Variants in CARS2 observed in about 807,000 individuals in gnomAD.
CARS2 encodes the protein probable cysteine--tRNA ligase, mitochondrial.
Under a neutral mutation model 68.8 loss-of-function variants are expected in CARS2, and 52 were observed. The observed-to-expected ratio is 0.76, with a 90% CI of 0.61 to 0.95. CARS2 has a LOEUF of 0.95. Among genes scored for constraint, CARS2 ranks in the 40% least tolerant of loss-of-function variants. CARS2 has a pLI of 0.00. For synonymous variants in CARS2, 314 were observed against 303.6 expected (o/e 1.03, Z -0.36); for missense variants, 780 against 754.2 (o/e 1.03, Z -0.40).
rs764405976 is a variant in CARS2 at position 110,676,994 on chromosome 13, G to A, written c.765C>T (p.Ile255=). ...PWGPGRPGWH[I]ECSAIASMVF... is the part of the protein sequence containing the mutation. Reference sequence around the variant, plus strand: ...CTTACCTAGCGATGGCAGAGCACTCGATGTGCCAGCCCGGCCTCCCGGGTC... The same window carrying A: ...CTTACCTAGCGATGGCAGAGCACTCAATGTGCCAGCCCGGCCTCCCGGGTC... Residue 255 remains isoleucine (I), a synonymous_variant, in exon 7 of 15, where the codon ATC becomes ATT. Transcript: ENST00000257347. This position sits in a 1 kb window ranked among gnomAD's most constrained non-coding sequence, Gnocchi z 4.0. 14 of 1,593,220 alleles carry A rather than the reference G, an allele frequency of 8.8e-6. No individual in the cohort carries two copies. The East Asian group carries it at 1.1e-4, about 13-fold the overall frequency.
chr13:110,664,503 C>T (rs918746418), intron 8 of CARS2: 12 of 736,000 alleles, frequency 1.6e-5, no homozygotes, highest in South Asian at 6.2e-5. Context: ...GGCCACAGAG[C>T]GAGACTCTGC....
intron 6 of CARS2, among the ~76,000 whole-genome samples, chr13:110,679,359 G>A (rs530142071): frequency 2.0e-5 from 3 of 151,556 alleles, no homozygotes; most frequent in South Asian, 2.1e-4. Context: ...ACGAAACCTC[G>A]TCTCTACTAA....
In CARS2 at chr13:110,663,436, C is replaced by T; in HGVS notation, c.987+15G>A. On this transcript the variant is annotated intron_variant, in intron 9 of 14. Coordinates refer to ENST00000257347, the MANE Select transcript of CARS2 (RefSeq NM_024537.4). ...CTATCGGCACCTCAGAGATACAATA[C>T]AAAAAGCACGTTACCTTAATAGTAA... 6.2e-7 allele frequency: 1 copy of T among 1,609,678 alleles called. No homozygotes were observed. The highest frequency in any genetic ancestry group is 8.5e-7 in the Non-Finnish European group (1 of 1,178,260).
intron 8 of CARS2, chr13:110,664,649 T>A (rs745804032): frequency 2.2e-4 from 216 of 982,706 alleles, no homozygotes; most frequent in Non-Finnish European, 2.5e-4. Flanking sequence ...TTAAAATTGA[T>A]GATAGTTGGA....
In CARS2 at chr13:110,664,927, G is replaced by A. The variant is rs952956726; in HGVS notation, c.920-1409C>T. ...GACTCCCAGCCAGCAGAACTGTGAGGAATTCATTGCTGTTGTTCATAACAC... is the reference window on the plus strand; with the variant it reads ...GACTCCCAGCCAGCAGAACTGTGAGAAATTCATTGCTGTTGTTCATAACAC... On this transcript the variant is annotated intron_variant, in intron 8 of 14. Transcript: ENST00000257347. 24 of 836,692 alleles carry A rather than the reference G, an allele frequency of 2.9e-5. No homozygotes were observed. In the South Asian group the frequency reaches 1.1e-3, roughly 40 times the overall value. The allele number at this position is 836,692 out of a possible 1,614,324, so 51.8% of individuals were successfully genotyped here.
At chr13:110,712,998 G>A in intron 1 of CARS2, 1 of 1,545,120 alleles carries the variant, frequency 6.5e-7, no homozygotes. Flanking sequence ...CGCGCACTCT[G>A]CGGCCGCAGC....
At chr13:110,704,821 T>C (rs939917335) in intron 2 of CARS2, among the ~76,000 whole-genome samples, 1 of 152,220 alleles carries the variant, frequency 6.6e-6, no homozygotes, top group African/African-American at 2.4e-5. Context: ...AAAAAATCTA[T>C]AATATGTCAT....
In CARS2 at chr13:110,687,785, A is replaced by G. The variant is rs2063345302; in HGVS notation, c.507T>C (p.Ile169=). The G allele has an allele frequency of 1.2e-6, 2 of 1,613,294 alleles. No individual in the cohort carries two copies. The highest frequency in any genetic ancestry group is 1.1e-5 in the South Asian group (1 of 91,026). Residue 169 remains isoleucine (I), a synonymous_variant, in exon 5 of 15, where the codon ATT becomes ATC. Transcript: ENST00000257347. ...PTVYLRVTEN[I]PQIISFIEGI... ...CTTCAATGAAAGAAATTATCTGAGG[A>G]ATATTTTCGGTTACCCTCAGGTACA... is the stretch of plus-strand genomic sequence containing the variant.
chr13:110,709,141 G>A (rs369584992), upstream of CARS2, among the ~76,000 whole-genome samples: 8 of 150,716 alleles, frequency 5.3e-5, no homozygotes, highest in Non-Finnish European at 8.9e-5. Context: ...GTGCAATGGC[G>A]TGATCTCCTG....
chr13:110,645,162 C>A (rs1887930259), intron 12 of CARS2: 1 of 152,506 alleles, frequency 6.6e-6, no homozygotes, highest in Non-Finnish European at 1.5e-5. Flanking sequence ...CTGCAGCCGG[C>A]TGTGACTCAA....
chr13:110,705,970 A>G lies in CARS2; in HGVS notation c.124T>C (p.Trp42Arg). The change falls in exon 1 of 15, where the codon TGG becomes CGG. Residue 42 changes from tryptophan (W) to arginine (R), a missense_variant. Transcript: ENST00000257347. This position sits in a 1 kb window ranked among gnomAD's most constrained non-coding sequence, Gnocchi z 4.0. ...RAASGGRGRA[W>R]LQPTGRETGV... The stretch of plus-strand genomic sequence containing the variant: ...GTCTCCCGGCCCGTGGGCTGCAGCC[A>G]GGCCCGCCCGCGCCCCCCGCTCGCC... 1 of 1,521,242 alleles carries G rather than the reference A, an allele frequency of 6.6e-7. No individual in the cohort carries two copies. Among genetic ancestry groups the G allele is most frequent in the Non-Finnish European group, 8.8e-7 (1 of 1,138,490 alleles). 94.2% of individuals were successfully genotyped at this position (1,521,242 alleles called of 1,614,324 possible). A position where few individuals can be genotyped will look rare whatever the true frequency, so the allele number is the denominator to read the frequency against.
At chr13:110,700,341 T>C (rs1156609042) in intron 3 of CARS2, among the ~76,000 whole-genome samples, 1 of 152,184 alleles carries the variant, frequency 6.6e-6, no homozygotes, top group Non-Finnish European at 1.5e-5. Context: ...TTGACGTCCA[T>C]GTCACCCACA....
chr13:110,693,132 A>AG (rs1566337250), intron 3 of CARS2, among the ~76,000 whole-genome samples: 7 of 141,322 alleles, frequency 5.0e-5, no homozygotes, highest in Non-Finnish European at 4.7e-5. Flanking sequence ...AAAAAAAAAA[A>AG]GAATTAATTT....
In CARS2 at chr13:110,641,524, C is replaced by T. The variant is rs1887281938; in HGVS notation, c.*13G>A. ...CGTCTTGTCGTGAGCAGGTTCATGGCTGTGCTCCATCCTCAGCCCGCTGAT... is the reference window on the plus strand; with the variant it reads ...CGTCTTGTCGTGAGCAGGTTCATGGTTGTGCTCCATCCTCAGCCCGCTGAT... On this transcript the variant is annotated 3_prime_UTR_variant, in exon 15 of 15. Transcript: ENST00000257347. The T allele has an allele frequency of 6.2e-7, 1 of 1,608,686 alleles. No individual in the cohort carries two copies. Among genetic ancestry groups the T allele is most frequent in the Non-Finnish European group, 8.5e-7 (1 of 1,174,994 alleles).
At chr13:110,664,691 T>C (rs1179923072) in intron 8 of CARS2, 1 of 960,402 alleles carries the variant, frequency 1.0e-6, no homozygotes. Context: ...GCCTGAATGT[T>C]TATGTCCTCC....
chr13:110,678,880 G>A (rs532590752), intron 6 of CARS2, among the ~76,000 whole-genome samples: 4 of 152,296 alleles, frequency 2.6e-5, no homozygotes, highest in Non-Finnish European at 4.4e-5. Flanking sequence ...CAGCGCAGGC[G>A]GAGGCTGGGC....
At chr13:110,658,075 A>T (rs2062415117) in intron 9 of CARS2, among the ~76,000 whole-genome samples, 1 of 152,270 alleles carries the variant, frequency 6.6e-6, no homozygotes, top group Non-Finnish European at 1.5e-5. Flanking sequence ...TGGGATGTTC[A>T]ACAAGACAAG....
intron 3 of CARS2, among the ~76,000 whole-genome samples, chr13:110,690,334 C>T (rs975322490): frequency 4.6e-4 from 70 of 152,180 alleles, no homozygotes; most frequent in Non-Finnish European, 1.2e-4. Flanking sequence ...AAGGGGTGCC[C>T]AGACTTGGCT....
At chr13:110,661,847 A>G (rs2062510513) in intron 9 of CARS2, among the ~76,000 whole-genome samples, 1 of 152,246 alleles carries the variant, frequency 6.6e-6, no homozygotes, top group Non-Finnish European at 1.5e-5. Flanking sequence ...TGGAGCAGTC[A>G]GAACATGCAC....
Sources: gnomAD v4.1 joint callset for allele counts (sites outside exome capture counted in the v4.1 genomes callset) on GRCh38, gnomAD v4.1.1 for gene constraint, Gnocchi (gnomAD v3.1) non-coding constraint, MANE v1.5 for transcripts, NCBI Gene and HGNC (gene_info 2026-07-23, HGNC 2026-07-21) for gene names.